The following SGMS1 variants were observed in gnomAD, a reference collection of about 807,000 sequenced individuals.
The protein encoded by SGMS1 is sphingomyelin synthase 1.
SGMS1 carries 13 observed loss-of-function variants against 46.2 expected under a neutral mutation model. The observed-to-expected ratio is 0.28, with a 90% CI of 0.18 to 0.45. SGMS1 has a LOEUF of 0.45. Among genes scored for constraint, SGMS1 ranks in the 20% least tolerant of loss-of-function variants. SGMS1 has a pLI of 1.00. For synonymous variants in SGMS1, 203 were observed against 187.8 expected, an observed-to-expected ratio of 1.08 and a Z score of -0.66; for missense variants, 324 against 519.9, an observed-to-expected ratio of 0.62 and a Z score of 3.66.
At chr10:50,452,482 TG>T (rs1330885607) in intron 5 of SGMS1, among the ~76,000 whole-genome samples, 7 of 152,234 alleles carry the variant, frequency 4.6e-5, no homozygotes, top group African/African-American at 1.7e-4. Context: ...TACCTTAAAC[TG>T]GTCTCTCTTA....
intron 5 of SGMS1, among the ~76,000 whole-genome samples, chr10:50,457,657 C>T (rs76350522): frequency 0.011 from 1,629 of 152,170 alleles, 34 homozygotes; most frequent in African/African-American, 0.037. Context: ...TAAGTGAGAA[C>T]GTGTGCTTTT....
intron 3 of SGMS1, among the ~76,000 whole-genome samples, chr10:50,513,958 G>A (rs565051748): frequency 1.3e-5 from 2 of 152,124 alleles, no homozygotes; most frequent in Non-Finnish European, 2.9e-5. Flanking sequence ...AATCAAAGCT[G>A]AGTCTTAAAT....
At chr10:50,494,967 C>T (rs1564927900) in intron 3 of SGMS1, among the ~76,000 whole-genome samples, 1 of 148,714 alleles carries the variant, frequency 6.7e-6, no homozygotes, top group South Asian at 2.1e-4. Flanking sequence ...ACCCGGGAGG[C>T]GGAGCTTGCA....
intron 2 of SGMS1, among the ~76,000 whole-genome samples, chr10:50,561,307 C>A (rs533762533): frequency 6.6e-6 from 1 of 152,332 alleles, no homozygotes; most frequent in East Asian, 1.9e-4. Flanking sequence ...GGTATCACCA[C>A]CCTCATTTGA....
intron 2 of SGMS1, among the ~76,000 whole-genome samples, chr10:50,571,591 GATA>G (rs1838337021): frequency 6.6e-6 from 1 of 152,112 alleles, no homozygotes; most frequent in African/African-American, 2.4e-5. Context: ...ATAATAGAAT[GATA>G]ATAACATCTG....
intron 2 of SGMS1, among the ~76,000 whole-genome samples, chr10:50,586,906 T>C (rs1838489535): frequency 6.6e-6 from 1 of 152,220 alleles, no homozygotes; most frequent in Non-Finnish European, 1.5e-5. Flanking sequence ...CCACATCTAG[T>C]AAAATAAATA....
At chr10:50,561,470 C>T (rs1267988334) in intron 2 of SGMS1, among the ~76,000 whole-genome samples, 1 of 152,190 alleles carries the variant, frequency 6.6e-6, no homozygotes, top group Non-Finnish European at 1.5e-5. Flanking sequence ...CCAGCTCAAA[C>T]CTTCTATGAT....
At position 50,328,241 on chromosome 10, in the gene SGMS1, T is replaced by C. The variant is rs1847560088; in HGVS notation, c.624-919A>G. ...GTGTATTTTTGAACAAGAACATTCTTTCCCTCTCTACCTCTCTCTTGTAGT... is the reference window on the plus strand; with the variant it reads ...GTGTATTTTTGAACAAGAACATTCTCTCCCTCTCTACCTCTCTCTTGTAGT... On this transcript the variant is annotated intron_variant, in intron 7 of 10. Coordinates refer to ENST00000361781, the MANE Select transcript of SGMS1 (RefSeq NM_147156.4). 8 of 237,894 alleles carry C rather than the reference T, an allele frequency of 3.4e-5. No individual in the cohort carries two copies. The South Asian group carries it at 3.5e-4, about 10-fold the overall frequency. The allele number at this position is 237,894 out of a possible 1,614,324, so 14.7% of individuals were successfully genotyped here.
At chr10:50,317,954 C>A (rs2133291003) in intron 8 of SGMS1, among the ~76,000 whole-genome samples, 1 of 152,150 alleles carries the variant, frequency 6.6e-6, no homozygotes, top group South Asian at 2.1e-4. Flanking sequence ...TAGGTGCATG[C>A]CGCCACACCC....
intron 2 of SGMS1, among the ~76,000 whole-genome samples, chr10:50,562,112 TTTTC>T (rs1177658651): frequency 6.6e-6 from 1 of 152,176 alleles, no homozygotes; most frequent in Non-Finnish European, 1.5e-5. Context: ...CTACGCTTTC[TTTTC>T]TTTCTTCTTT....
At chr10:50,334,085 T>A (rs764940561) in intron 7 of SGMS1, among the ~76,000 whole-genome samples, 1 of 152,130 alleles carries the variant, frequency 6.6e-6, no homozygotes, top group African/African-American at 2.4e-5. Context: ...TTTTTGCTAA[T>A]GAAATTAAAA....
chr10:50,574,969 A>ATATATATATGTG (rs1284032560), intron 2 of SGMS1, among the ~76,000 whole-genome samples: 4 of 141,800 alleles, frequency 2.8e-5, no homozygotes, highest in Non-Finnish European at 6.2e-5. Flanking sequence ...TGGTGTATAT[A>ATATATATATGTG]TATATATATA....
In SGMS1 at chr10:50,340,986, AGTC is replaced by A. The variant is rs1847809283; in HGVS notation, c.623+2503_623+2505del. Among the ~76,000 whole-genome samples, 3 of 152,228 alleles carry A rather than the reference AGTC, an allele frequency of 2.0e-5. 1 individual carries two copies. Among genetic ancestry groups the A allele is most frequent in the Admixed American group, 2.0e-4 (3 of 15,286 alleles). On this transcript the variant is annotated intron_variant, in intron 7 of 10. Coordinates refer to ENST00000361781, the MANE Select transcript of SGMS1 (RefSeq NM_147156.4). Reference sequence around the variant, plus strand: ...TGGCCAAATAGGCTTAATTTGGAGAAGTCGTATAAAACAGGCTCCTAAGTGGCA... The same window carrying A: ...TGGCCAAATAGGCTTAATTTGGAGAAGTATAAAACAGGCTCCTAAGTGGCA...
At chr10:50,514,733 C>T (rs1046453097) in intron 3 of SGMS1, among the ~76,000 whole-genome samples, 1 of 152,174 alleles carries the variant, frequency 6.6e-6, no homozygotes, top group African/African-American at 2.4e-5. Context: ...TTAAGAACCA[C>T]TGCTGTAGCA....
chr10:50,422,384 T>C (rs1455970222), intron 6 of SGMS1, among the ~76,000 whole-genome samples: 1 of 152,134 alleles, frequency 6.6e-6, no homozygotes, highest in Non-Finnish European at 1.5e-5. Context: ...TTCAAACCAG[T>C]TGGCAAGCAG....
chr10:50,590,737 T>G lies in SGMS1; in HGVS notation c.-683-490A>C, dbSNP rs184771965. On this transcript the variant is annotated intron_variant, in intron 1 of 10. Transcript: ENST00000361781. Reference sequence around the variant, plus strand: ...GTAGTTACCATTTGTGTGTGTGTGGTGAGAACACATAAGGTCTACTGTCTT... The same window carrying G: ...GTAGTTACCATTTGTGTGTGTGTGGGGAGAACACATAAGGTCTACTGTCTT... The G allele has an allele frequency of 1.4e-4, 21 of 152,314 alleles. No homozygotes were observed. In the East Asian group the frequency reaches 4.0e-3, roughly 29 times the overall value. 9.4% of individuals were successfully genotyped at this position (152,314 alleles called of 1,614,324 possible).
At chr10:50,593,832 C>A (rs1366039448) in intron 1 of SGMS1, among the ~76,000 whole-genome samples, 1 of 152,342 alleles carries the variant, frequency 6.6e-6, no homozygotes, top group East Asian at 1.9e-4. Flanking sequence ...AACATACCCA[C>A]AATTTACTGT....
At chr10:50,308,173 A>G in intron 9 of SGMS1, 25 bp from the exon 10 acceptor site, 1 of 1,605,180 alleles carries the variant, frequency 6.2e-7, no homozygotes, top group Non-Finnish European at 8.5e-7. Context: ...GATTTGCAAT[A>G]GTCCCATTAT....
chr10:50,391,708 T>C (rs1178073843), intron 6 of SGMS1, among the ~76,000 whole-genome samples: 2 of 152,036 alleles, frequency 1.3e-5, no homozygotes, highest in African/African-American at 2.4e-5. Context: ...TCATAAAGAA[T>C]GTGCACATGT....
Sources: gnomAD v4.1 joint callset for allele counts (sites outside exome capture counted in the v4.1 genomes callset) on GRCh38, gnomAD v4.1.1 for gene constraint, MANE v1.5 for transcripts, NCBI Gene and HGNC (gene_info 2026-07-23, HGNC 2026-07-21) for gene names.